The following CSNK2A2 variants were observed in gnomAD, a reference collection of about 807,000 sequenced individuals.
The protein encoded by CSNK2A2 is casein kinase II subunit alpha'.
A neutral mutation model predicts 54.0 loss-of-function variants in CSNK2A2; 8 were observed. The observed-to-expected ratio is 0.15, with a 90% CI of 0.09 to 0.27. The LOEUF is 0.27. Among genes scored for constraint, CSNK2A2 ranks in the 10% least tolerant of loss-of-function variants. The pLI, the probability that CSNK2A2 is intolerant of heterozygous loss-of-function variation, is 1.00. For missense variants in CSNK2A2, 242 were observed against 439.4 expected, an observed-to-expected ratio of 0.55 and a Z score of 4.02; for synonymous variants, 141 against 153.9, an observed-to-expected ratio of 0.92 and a Z score of 0.62.
rs770840395 is a variant in CSNK2A2, at chr16:58,197,641, C to A, written c.96G>T (p.Pro32=). The change falls in exon 1 of 12, where the codon CCG becomes CCT. Residue 32 remains proline (P), a synonymous_variant. Coordinates refer to ENST00000262506, the MANE Select transcript of CSNK2A2 (RefSeq NM_001896.4). This position sits in a 1 kb window ranked among gnomAD's most constrained non-coding sequence, Gnocchi z 4.0. ...REYWDYEAHV[P]SWGNQDDYQL... is the part of the protein sequence containing the mutation. ...GGCGGCGACGGCTTTACCCCCAGCTCGGGACGTGAGCCTCGTAGTCCCAGT... is the reference window on the plus strand; with the variant it reads ...GGCGGCGACGGCTTTACCCCCAGCTAGGGACGTGAGCCTCGTAGTCCCAGT... The A allele has an allele frequency of 6.4e-7, 1 of 1,569,460 alleles. No individual in the cohort carries two copies. The highest frequency in any genetic ancestry group is 1.4e-5 in the African/African-American group (1 of 70,820).
At chr16:58,167,609 T>G (rs1292728256) in intron 7 of CSNK2A2, 76 bp downstream of exon 7, 10 of 1,137,370 alleles carry the variant, frequency 8.8e-6, no homozygotes, top group Non-Finnish European at 1.3e-5. Context: ...GTATTCAAAC[T>G]GACTAGATCA....
intron 5 of CSNK2A2, among the ~76,000 whole-genome samples, chr16:58,170,741 T>A (rs2731751): frequency 0.3 from 45,629 of 151,930 alleles, 7,293 homozygotes; most frequent in African/African-American, 0.39. Context: ...GAAGTGGAAC[T>A]TCTTTTTATG....
At chr16:58,178,443 C>T (rs983236118) in intron 4 of CSNK2A2, among the ~76,000 whole-genome samples, 1 of 151,834 alleles carries the variant, frequency 6.6e-6, no homozygotes, top group Admixed American at 6.6e-5. Flanking sequence ...CACCATAGCC[C>T]GCCGAATTTT....
In CSNK2A2 at chr16:58,164,140, C is replaced by G. The variant is rs1233398195; in HGVS notation, c.984G>C (p.Val328=). The part of the protein sequence containing the change: ...EAMEHPYFYP[V]VKEQSQPCAD... ...CACAAGGCTGGGACTGCTCCTTCACCACAGGGTCTGCAAGAAAGCAGGAGG... is the reference window on the plus strand; with the variant it reads ...CACAAGGCTGGGACTGCTCCTTCACGACAGGGTCTGCAAGAAAGCAGGAGG... The change falls in exon 11 of 12, where the codon GTG becomes GTC. Residue 328 remains valine, a synonymous_variant. Transcript: ENST00000262506. 1.9e-6 allele frequency: 3 copies of G among 1,613,692 alleles called. No individual in the cohort carries two copies. Among genetic ancestry groups the G allele is most frequent in the African/African-American group, 2.7e-5 (2 of 74,914 alleles).
rs1377221509 is a variant in CSNK2A2, at chr16:58,164,045, C to T, written c.*17+9G>A. The T allele has an allele frequency of 1.2e-6, 2 of 1,601,670 alleles. No individual in the cohort carries two copies. The highest frequency in any genetic ancestry group is 2.2e-5 in the East Asian group (1 of 44,622). On this transcript the variant is annotated intron_variant, in intron 11 of 11. Transcript: ENST00000262506. ...TTGGTTTTATTGGCAAGCATCAATG[C>T]CGCATTACCCGTCGCTTTCCAGTCT...
chr16:58,171,334 C>T (rs926170450), intron 5 of CSNK2A2, among the ~76,000 whole-genome samples: 2 of 151,974 alleles, frequency 1.3e-5, no homozygotes, highest in Non-Finnish European at 2.9e-5. Context: ...ACCAGCCTGA[C>T]CAACAGGGTG....
At chr16:58,168,909 C>A (rs1961650359) in intron 5 of CSNK2A2, among the ~76,000 whole-genome samples, 1 of 151,706 alleles carries the variant, frequency 6.6e-6, no homozygotes, top group Admixed American at 6.6e-5. Context: ...AAGGGAATGG[C>A]AAGGGCTATG....
chr16:58,182,025 T>C (rs1204102633), intron 4 of CSNK2A2, among the ~76,000 whole-genome samples: 1 of 152,084 alleles, frequency 6.6e-6, no homozygotes, highest in Admixed American at 6.6e-5. Context: ...AGCAAATACA[T>C]TAATTGGCAG....
At position 58,186,682 on chromosome 16, in the gene CSNK2A2, T is replaced by C. The variant is rs909754256; in HGVS notation, c.318+73A>G. 7 of 1,020,672 alleles carry C rather than the reference T, an allele frequency of 6.9e-6. No individual in the cohort carries two copies. The African/African-American group carries it at 8.0e-5, about 12-fold the overall frequency. 63.2% of individuals were successfully genotyped at this position (1,020,672 alleles called of 1,614,324 possible). A position where few individuals can be genotyped will look rare whatever the true frequency, so the allele number is the denominator to read the frequency against. Reference sequence around the variant, plus strand: ...ATCCCCACTGTATCATTACGTGAGGTTCTGTGTGTTAAACAACTCCCATAT... The same window carrying C: ...ATCCCCACTGTATCATTACGTGAGGCTCTGTGTGTTAAACAACTCCCATAT... On this transcript the variant is annotated intron_variant, in intron 3 of 11. Transcript: ENST00000262506.
At chr16:58,164,237 G>T in intron 10 of CSNK2A2, 90 bp from the exon 11 acceptor site, 2 of 1,207,256 alleles carry the variant, frequency 1.7e-6, no homozygotes, top group Non-Finnish European at 2.4e-6. Context: ...CGGAAAGAGA[G>T]ACAGACTGAT....
At chr16:58,179,440 A>G (rs1469085698) in intron 4 of CSNK2A2, among the ~76,000 whole-genome samples, 4 of 151,166 alleles carry the variant, frequency 2.6e-5, no homozygotes, top group African/African-American at 9.7e-5. Flanking sequence ...GGCGGAGGTT[A>G]CAGTGAGCCA....
chr16:58,174,508 T>G lies in CSNK2A2; in HGVS notation c.372A>C (p.Gln124His). The G allele has an allele frequency of 6.2e-7, 1 of 1,611,946 alleles. No homozygotes were observed. The highest frequency in any genetic ancestry group is 8.5e-7 in the Non-Finnish European group (1 of 1,179,072). Residue 124 changes from glutamine (Q) to histidine (H), a missense_variant and splice_region_variant, in exon 5 of 12, where the codon CAA (glutamine) becomes CAC (histidine). By Grantham distance (24) the Gln-to-His change is conservative. This residue lies in a region of CSNK2A2 where 69 missense variants were observed against 97.0 expected (regional missense o/e 0.71). Transcript: ENST00000262506. ...FEYINNTDFK[Q>H]LYQILTDFDI... Reference sequence around the variant, plus strand: ...CAAAGTCTGTCAGGATCTGGTAGAGTTGCTGAAACAGATTCCAGAAAACAG... The same window carrying G: ...CAAAGTCTGTCAGGATCTGGTAGAGGTGCTGAAACAGATTCCAGAAAACAG...
At chr16:58,168,927 TTTC>T (rs1961651774) in intron 5 of CSNK2A2, among the ~76,000 whole-genome samples, 1 of 151,670 alleles carries the variant, frequency 6.6e-6, no homozygotes, top group Non-Finnish European at 1.5e-5. Flanking sequence ...ATGAGGAAGA[TTTC>T]TTTTTTTTTT....
At chr16:58,169,117 AG>A (rs2142415198) in intron 5 of CSNK2A2, among the ~76,000 whole-genome samples, 1 of 152,100 alleles carries the variant, frequency 6.6e-6, no homozygotes, top group East Asian at 2.0e-4. Context: ...TAGTAGAGAC[AG>A]GGTTTCACCG....
chr16:58,196,965 TCAC>T, intron 1 of CSNK2A2, 121 bp from the exon 2 acceptor site: 2 of 739,936 alleles, frequency 2.7e-6, no homozygotes, highest in South Asian at 2.9e-5. Context: ...ATACATCACG[TCAC>T]AACTCATTCC....
At chr16:58,176,420 T>C (rs918792098) in intron 4 of CSNK2A2, among the ~76,000 whole-genome samples, 2 of 152,206 alleles carry the variant, frequency 1.3e-5, no homozygotes, top group Admixed American at 6.5e-5. Context: ...TGTACACTAG[T>C]GTTTAGGACT....
Position 58,186,834 on chromosome 16 carries a change from T to C in CSNK2A2, c.239A>G (p.Lys80Arg). The change falls in exon 3 of 12, where the codon AAA becomes AGA. Residue 80 changes from lysine to arginine, a missense_variant. Physicochemically the swap from Lys to Arg is conservative, Grantham distance 26. Around this residue, in one of 5 missense-constraint regions of CSNK2A2, gnomAD observed 69 missense variants for 97.0 expected, o/e 0.71. Transcript: ENST00000262506. ...GTTCTCCAGAATCTTAACCTCTCGT[T>C]TTATCTTCTTTTTCTTCACTGGCTT... The part of the protein sequence containing the change: ...ILKPVKKKKI[K>R]REVKILENLR... 6.2e-7 allele frequency: 1 copy of C among 1,613,900 alleles called. No homozygotes were observed. The highest frequency in any genetic ancestry group is 8.5e-7 in the Non-Finnish European group (1 of 1,179,824).
At chr16:58,182,524 C>T (rs76255078) in intron 4 of CSNK2A2, among the ~76,000 whole-genome samples, 10,428 of 143,788 alleles carry the variant, frequency 0.073, 474 homozygotes, top group South Asian at 0.21. Context: ...TATTGCACTC[C>T]AGCCTAGGCG....
chr16:58,189,269 T>C (rs1962268741), intron 2 of CSNK2A2, among the ~76,000 whole-genome samples: 1 of 152,192 alleles, frequency 6.6e-6, no homozygotes, highest in Non-Finnish European at 1.5e-5. Flanking sequence ...GCTGGCTATC[T>C]TATACTTATA....
Sources: allele counts gnomAD v4.1 joint callset (sites outside exome capture counted in the v4.1 genomes callset), GRCh38; gene constraint gnomAD v4.1.1; regional missense constraint gnomAD v4.1.1; non-coding constraint Gnocchi (gnomAD v3.1); transcripts MANE v1.5; gene names NCBI Gene and HGNC (gene_info 2026-07-23, HGNC 2026-07-21).